The following TDRD12 variants were observed in gnomAD, a reference collection of about 807,000 sequenced individuals.
TDRD12 encodes the protein tudor domain containing 12.
In TDRD12, 158 loss-of-function variants were observed where a neutral mutation model predicts 133.5. The ratio of observed to expected loss-of-function variants is 1.18; its 90% CI spans 1.04 to 1.35. The LOEUF (loss-of-function observed/expected upper bound fraction) is 1.35. TDRD12 is among the 40% of genes most tolerant of loss of function. The probability of loss-of-function intolerance (pLI) is 0.00; values close to 1 mark genes in which losing one functional copy is unlikely to be tolerated. For synonymous variants in TDRD12, 460 were observed against 477.9 expected (o/e 0.96, Z 0.49); for missense variants, 1,443 against 1,321.3 (o/e 1.09, Z -1.43).
chr19:32,797,807 A>G (rs1410619133), exon 15 of TDRD12: 3 of 702,452 alleles, frequency 4.3e-6, no homozygotes, highest in African/African-American at 1.7e-5. Context: ...AGAATATAGC[A>G]TGTCCTCCAG....
chr19:32,753,596 T>C (rs1007878082), intron 6 of TDRD12, among the ~76,000 whole-genome samples: 4 of 151,810 alleles, frequency 2.6e-5, no homozygotes, highest in African/African-American at 9.7e-5. Flanking sequence ...CTCCACCTCC[T>C]GGGTTCACAC....
exon 18 of TDRD12, chr19:32,800,762 T>C: frequency 6.5e-7 from 1 of 1,534,188 alleles, no homozygotes; most frequent in Non-Finnish European, 8.7e-7. Flanking sequence ...GAAACAGAAA[T>C]AGTGTGTAAG....
exon 10 of TDRD12, chr19:32,828,752 T>C (rs1233185906): frequency 6.6e-6 from 1 of 152,210 alleles, no homozygotes; most frequent in Non-Finnish European, 1.5e-5. Context: ...AGTTTTCTCA[T>C]CTGTAAAATG....
chr19:32,731,349 G>A (rs1969045551), intron 1 of TDRD12, among the ~76,000 whole-genome samples: 1 of 151,954 alleles, frequency 6.6e-6, no homozygotes, highest in Non-Finnish European at 1.5e-5. Context: ...GAGCCCCGGA[G>A]TTTGAGACTA....
chr19:32,749,302 T>A (rs1969751030), intron 5 of TDRD12, among the ~76,000 whole-genome samples: 1 of 152,122 alleles, frequency 6.6e-6, no homozygotes, highest in Non-Finnish European at 1.5e-5. Context: ...GCAAGTGACT[T>A]AGCCTCTGAG....
At chr19:32,747,139 A>G (rs1969676629) in intron 4 of TDRD12, among the ~76,000 whole-genome samples, 1 of 151,498 alleles carries the variant, frequency 6.6e-6, no homozygotes, top group Non-Finnish European at 1.5e-5. Flanking sequence ...AGACTGACTC[A>G]TGTGGTTATT....
At chr19:32,818,276 G>T in intron 27 of TDRD12, 119 bp downstream of exon 27, 1 of 611,186 alleles carries the variant, frequency 1.6e-6, no homozygotes, top group Non-Finnish European at 2.9e-6. Flanking sequence ...GAAGGACTGG[G>T]CTGTGAGTTC....
At chr19:32,800,385 ATGTGTGTG>A (rs113439291) in intron 17 of TDRD12, 27 bp downstream of exon 17, 25 of 1,364,786 alleles carry the variant, frequency 1.8e-5, no homozygotes, top group African/African-American at 7.3e-5. Context: ...GTGTATGTGT[ATGTGTGTG>A]TGTGTGTGTA....
At chr19:32,765,627 C>T (rs1970272912) in intron 8 of TDRD12, among the ~76,000 whole-genome samples, 1 of 151,684 alleles carries the variant, frequency 6.6e-6, no homozygotes, top group Non-Finnish European at 1.5e-5. Context: ...TCTCAGCAAA[C>T]TATCGCAAGG....
intron 10 of TDRD12, 36 bp from the exon 11 acceptor site, chr19:32,777,113 C>G (rs1378538253): frequency 7.0e-7 from 1 of 1,422,516 alleles, no homozygotes; most frequent in African/African-American, 1.4e-5. Context: ...GGCTGCTGTT[C>G]ACAAATTTTA....
chr19:32,800,774 T>G lies in TDRD12; in HGVS notation c.2079+2T>G. The G allele has an allele frequency of 1.3e-6, 2 of 1,527,098 alleles. No individual in the cohort carries two copies. Among genetic ancestry groups the G allele is most frequent in the Non-Finnish European group, 1.7e-6 (2 of 1,144,186 alleles). 94.6% of individuals were successfully genotyped at this position (1,527,098 alleles called of 1,614,324 possible). A position where few individuals can be genotyped will look rare whatever the true frequency, so the allele number is the denominator to read the frequency against. ...GCTGAAACAGAAATAGTGTGTAAGG[T>G]GAGTCCATCTCCATATAAAAAATGT... On this transcript the variant is annotated splice_donor_variant, in intron 18 of 27. Transcript: ENST00000444215. LOFTEE classifies it high-confidence loss of function.
At chr19:32,765,767 A>G (rs951634026) in intron 8 of TDRD12, among the ~76,000 whole-genome samples, 7 of 152,056 alleles carry the variant, frequency 4.6e-5, no homozygotes, top group Non-Finnish European at 7.3e-5. Context: ...GAGGGATAAC[A>G]TTAGGAGATA....
intron 8 of TDRD12, among the ~76,000 whole-genome samples, chr19:32,760,431 G>A (rs756980628): frequency 2.0e-5 from 3 of 152,114 alleles, no homozygotes; most frequent in Non-Finnish European, 4.4e-5. Flanking sequence ...TAATATTTTT[G>A]AGAATCAAAG....
intron 13 of TDRD12, among the ~76,000 whole-genome samples, chr19:32,791,639 G>A (rs1227948415): frequency 2.6e-5 from 4 of 152,110 alleles, no homozygotes; most frequent in East Asian, 1.9e-4. Context: ...AGTGCTTTGC[G>A]AGCGAGGGGA....
At chr19:32,765,707 G>A (rs1458895445) in intron 8 of TDRD12, among the ~76,000 whole-genome samples, 2 of 144,654 alleles carry the variant, frequency 1.4e-5, no homozygotes, top group Non-Finnish European at 3.0e-5. Context: ...TTGGACACAG[G>A]AAGGGGAACA....
At chr19:32,728,792 C>G (rs1427011898) in intron 1 of TDRD12, among the ~76,000 whole-genome samples, 1 of 148,994 alleles carries the variant, frequency 6.7e-6, no homozygotes, top group Non-Finnish European at 1.5e-5. Context: ...ACTACAGGTG[C>G]CCACCACCAC....
At chr19:32,822,986 CAA>C (rs1191623175), downstream of TDRD12, among the ~76,000 whole-genome samples, 1 of 152,190 alleles carries the variant, frequency 6.6e-6, no homozygotes, top group Non-Finnish European at 1.5e-5. Flanking sequence ...CATGACTAGA[CAA>C]AGTCTCCAAC....
chr19:32,814,594 G>T (rs1253253305), intron 25 of TDRD12, among the ~76,000 whole-genome samples: 1 of 152,182 alleles, frequency 6.6e-6, no homozygotes, highest in Non-Finnish European at 1.5e-5. Context: ...TATTGTGTTT[G>T]TTTCTTGTTG....
In TDRD12 at chr19:32,826,444, G is replaced by A; in HGVS notation, c.896-1G>A. The A allele has an allele frequency of 1.6e-6, 2 of 1,234,146 alleles. No individual in the cohort carries two copies. Among genetic ancestry groups the A allele is most frequent in the Non-Finnish European group, 2.0e-6 (2 of 988,688 alleles). 76.4% of individuals were successfully genotyped at this position (1,234,146 alleles called of 1,614,324 possible). On this transcript the variant is annotated splice_acceptor_variant, in intron 8 of 9. Coordinates refer to the TDRD12 transcript ENST00000637289. LOFTEE classifies it high-confidence loss of function. ...GACTTTATTTCTTTTTATAAACCCA[G>A]TGCTTGGGTGGGAGACAAATTTTAC...
Sources: allele counts gnomAD v4.1 joint callset (sites outside exome capture counted in the v4.1 genomes callset), GRCh38; gene constraint gnomAD v4.1.1; transcripts MANE v1.5; gene names NCBI Gene and HGNC (gene_info 2026-07-23, HGNC 2026-07-21).